Variants in VTI1A observed in about 807,000 individuals in gnomAD.
The protein encoded by VTI1A is vesicle transport through interaction with t-SNAREs homolog 1A.
VTI1A carries 22 observed loss-of-function variants against 34.9 expected under a neutral mutation model. That is an observed-to-expected ratio of 0.63 (90% CI 0.45 to 0.90). The LOEUF (loss-of-function observed/expected upper bound fraction) is 0.90, where lower values mean the gene tolerates loss of function less well. Ranked by LOEUF, VTI1A falls within the 40% of genes least tolerant of loss-of-function variation. VTI1A has a pLI of 0.00. For missense variants in VTI1A, 268 were observed against 275.6 expected, an observed-to-expected ratio of 0.97 and a Z score of 0.20; for synonymous variants, 87 against 97.3, an observed-to-expected ratio of 0.89 and a Z score of 0.62.
chr10:112,484,832 A>G (rs1306043463), intron 3 of VTI1A: 2 of 151,518 alleles, frequency 1.3e-5, no homozygotes, highest in East Asian at 3.9e-4. Flanking sequence ...TAAGTATTCC[A>G]ATGAAAAAGT....
chr10:112,617,555 G>T (rs1160359187), intron 5 of VTI1A, among the ~76,000 whole-genome samples: 1 of 151,940 alleles, frequency 6.6e-6, no homozygotes, highest in East Asian at 1.9e-4. Context: ...TTAAATAAAA[G>T]AACTAACTCC....
At chr10:112,523,468 C>G (rs951832150) in intron 3 of VTI1A, among the ~76,000 whole-genome samples, 2 of 152,038 alleles carry the variant, frequency 1.3e-5, no homozygotes, top group African/African-American at 4.8e-5. Context: ...TGTAGATTTT[C>G]TTTCTAACCA....
intron 5 of VTI1A, among the ~76,000 whole-genome samples, chr10:112,631,698 C>T (rs956507523): frequency 7.2e-5 from 11 of 152,144 alleles, no homozygotes; most frequent in Non-Finnish European, 1.5e-4. Context: ...TTATTTTGCT[C>T]GTCTGTAAAG....
At chr10:112,628,298 T>C (rs1004645099) in intron 5 of VTI1A, among the ~76,000 whole-genome samples, 1 of 152,216 alleles carries the variant, frequency 6.6e-6, no homozygotes, top group African/African-American at 2.4e-5. Context: ...GGAATCTTTA[T>C]GTTTAGGTGT....
At chr10:112,449,997 C>T (rs1057360369) in intron 1 of VTI1A, 1 of 151,966 alleles carries the variant, frequency 6.6e-6, no homozygotes, top group East Asian at 1.9e-4. Context: ...CCTCACGGCT[C>T]AAGTCTACTC....
chr10:112,852,709 T>C, the VTI1A span, among the ~76,000 whole-genome samples: 1 of 152,246 alleles, frequency 6.6e-6, no homozygotes, highest in Admixed American at 6.5e-5. Flanking sequence ...CCAGTTTTCC[T>C]CTGGGGATTG....
chr10:112,732,517 G>A (rs1850301953), intron 7 of VTI1A, among the ~76,000 whole-genome samples: 1 of 152,172 alleles, frequency 6.6e-6, no homozygotes, highest in South Asian at 2.1e-4. Flanking sequence ...TTCAACTTCA[G>A]AATGAAGAGA....
chr10:112,576,019 C>CTTTTTTTT (rs760363890), intron 5 of VTI1A, among the ~76,000 whole-genome samples: 2 of 131,294 alleles, frequency 1.5e-5, no homozygotes, highest in African/African-American at 2.8e-5. Context: ...CTTTTCTTTT[C>CTTTTTTTT]TTTTTTTTTT....
At chr10:112,709,133 A>G (rs1259849665) in intron 7 of VTI1A, among the ~76,000 whole-genome samples, 1 of 150,984 alleles carries the variant, frequency 6.6e-6, no homozygotes, top group African/African-American at 2.4e-5. Flanking sequence ...CCTTCATCTC[A>G]CTCACCATCC....
intron 7 of VTI1A, among the ~76,000 whole-genome samples, chr10:112,726,518 A>G (rs556587598): frequency 3.3e-5 from 5 of 152,252 alleles, no homozygotes; most frequent in African/African-American, 1.2e-4. Context: ...TAAAACCAAC[A>G]ATCCCCTCAG....
intron 7 of VTI1A, among the ~76,000 whole-genome samples, chr10:112,769,036 G>T (rs1851727107): frequency 6.6e-6 from 1 of 152,276 alleles, no homozygotes; most frequent in Middle Eastern, 3.4e-3. Flanking sequence ...CCATTAGGAA[G>T]TAATTCTGGC....
chr10:112,583,007 AC>A (rs1372471547), intron 5 of VTI1A, among the ~76,000 whole-genome samples: 3 of 152,158 alleles, frequency 2.0e-5, no homozygotes, highest in African/African-American at 7.2e-5. Context: ...TGTATTCAAT[AC>A]TAGAGCAGTT....
At chr10:112,820,942 C>A (rs139952328), downstream of VTI1A, among the ~76,000 whole-genome samples, 76 of 152,226 alleles carry the variant, frequency 5.0e-4, no homozygotes, top group African/African-American at 1.7e-3. Flanking sequence ...CACTGCCCTT[C>A]TTCAGGAGGA....
chr10:112,830,849 A>ATTTTTTTT, the VTI1A span, among the ~76,000 whole-genome samples: 8 of 33,496 alleles, frequency 2.4e-4, no homozygotes, highest in African/African-American at 5.7e-4. Context: ...ATATATATAT[A>ATTTTTTTT]TTTTTTTTTT....
At chr10:112,722,633 G>A (rs1473358203) in intron 7 of VTI1A, among the ~76,000 whole-genome samples, 3 of 152,094 alleles carry the variant, frequency 2.0e-5, no homozygotes, top group African/African-American at 7.2e-5. Flanking sequence ...TTTTAGTTTT[G>A]CAAAGTGCTT....
chr10:112,713,053 CT>C, intron 7 of VTI1A, among the ~76,000 whole-genome samples: 1 of 152,242 alleles, frequency 6.6e-6, no homozygotes, highest in Non-Finnish European at 1.5e-5. Context: ...TAGGGATCCC[CT>C]TTCTGTGTTT....
At chr10:112,724,670 G>A (rs959915187) in intron 7 of VTI1A, among the ~76,000 whole-genome samples, 2 of 151,724 alleles carry the variant, frequency 1.3e-5, no homozygotes, top group African/African-American at 4.8e-5. Flanking sequence ...CAGAGCTGGG[G>A]CAAGTTTGGA....
intron 3 of VTI1A, among the ~76,000 whole-genome samples, chr10:112,478,875 G>A (rs1158707737): frequency 1.3e-5 from 2 of 150,944 alleles, no homozygotes. Context: ...GCAACATTTA[G>A]AAGTCACTAT....
At chr10:112,550,945 ATAT>A (rs1401118731) in intron 5 of VTI1A, among the ~76,000 whole-genome samples, 1 of 152,130 alleles carries the variant, frequency 6.6e-6, no homozygotes, top group Non-Finnish European at 1.5e-5. Context: ...ATTTGTGTTT[ATAT>A]AAAGTACCTT....
Sources: allele counts gnomAD v4.1 joint callset (sites outside exome capture counted in the v4.1 genomes callset), GRCh38; gene constraint gnomAD v4.1.1; transcripts MANE v1.5; gene names NCBI Gene and HGNC (gene_info 2026-07-23, HGNC 2026-07-21).